The following PTPRD variants were observed in gnomAD, a reference collection of about 807,000 sequenced individuals.
PTPRD encodes the protein protein tyrosine phosphatase receptor type D.
A neutral mutation model predicts 214.5 loss-of-function variants in PTPRD; 34 were observed. That is an observed-to-expected ratio of 0.16 (90% CI 0.12 to 0.21). The LOEUF (loss-of-function observed/expected upper bound fraction) is 0.21. PTPRD is among the 10% of genes least tolerant of loss of function. The pLI, the probability that PTPRD is intolerant of heterozygous loss-of-function variation, is 1.00. For synonymous variants in PTPRD, 1,128 were observed against 845.7 expected, an observed-to-expected ratio of 1.33 and a Z score of -5.79; for missense variants, 2,545 against 2,398.7, an observed-to-expected ratio of 1.06 and a Z score of -1.27.
chr9:9,518,014 T>G (rs2096878157), intron 8 of PTPRD, among the ~76,000 whole-genome samples: 2 of 152,102 alleles, frequency 1.3e-5, no homozygotes, highest in South Asian at 4.1e-4. Context: ...CATTAATAAC[T>G]ATATTTCTCT....
intron 11 of PTPRD, among the ~76,000 whole-genome samples, chr9:8,925,292 T>C (rs747744523): frequency 9.9e-5 from 15 of 152,066 alleles, no homozygotes; most frequent in Non-Finnish European, 1.9e-4. Context: ...AGGGTGCTCT[T>C]ATAGGCAGGG....
At chr9:9,697,490 C>A (rs2097401226) in intron 7 of PTPRD, among the ~76,000 whole-genome samples, 1 of 152,088 alleles carries the variant, frequency 6.6e-6, no homozygotes, top group East Asian at 1.9e-4. Context: ...TAAATTTCAA[C>A]ATTTTTGCAT....
intron 9 of PTPRD, among the ~76,000 whole-genome samples, chr9:9,324,154 G>A (rs1342621229): frequency 6.6e-6 from 1 of 152,134 alleles, no homozygotes; most frequent in Non-Finnish European, 1.5e-5. Context: ...AAACATACGT[G>A]TGCATGTGTC....
chr9:8,633,293 G>C (rs751134389), intron 14 of PTPRD, 24 bp downstream of exon 14: 1 of 1,604,278 alleles, frequency 6.2e-7, no homozygotes, highest in Non-Finnish European at 8.5e-7. Flanking sequence ...TGACACAAAC[G>C]ACAACCTTCA....
At chr9:10,161,136 T>C (rs2099124952) in intron 3 of PTPRD, among the ~76,000 whole-genome samples, 1 of 151,904 alleles carries the variant, frequency 6.6e-6, no homozygotes, top group Non-Finnish European at 1.5e-5. Flanking sequence ...ATGACAATAC[T>C]ACTCAAAGCA....
At chr9:9,670,112 A>T (rs185216646) in intron 7 of PTPRD, among the ~76,000 whole-genome samples, 1 of 152,176 alleles carries the variant, frequency 6.6e-6, no homozygotes, top group Non-Finnish European at 1.5e-5. Context: ...TAAAATTAGC[A>T]ATTAGTAATT....
chr9:9,436,418 T>C (rs537392287), intron 8 of PTPRD, among the ~76,000 whole-genome samples: 2 of 152,286 alleles, frequency 1.3e-5, no homozygotes, highest in East Asian at 3.9e-4. Flanking sequence ...TTGAACCCTT[T>C]AATAAGGATT....
intron 7 of PTPRD, among the ~76,000 whole-genome samples, chr9:9,605,413 T>C (rs934406244): frequency 1.3e-5 from 2 of 152,032 alleles, no homozygotes; most frequent in African/African-American, 4.8e-5. Flanking sequence ...GGAAAAGTCA[T>C]GCAAAGAAGT....
chr9:8,604,313 A>C (rs190255057), intron 14 of PTPRD, among the ~76,000 whole-genome samples: 28 of 152,314 alleles, frequency 1.8e-4, no homozygotes, highest in African/African-American at 6.3e-4. Context: ...GGGAAGTAAT[A>C]TATGAGCTAG....
In PTPRD at chr9:9,191,621, G is replaced by C. The variant is rs533989800; in HGVS notation, c.-202-8258C>G. ...CAAACACATTTAACATTATGTCAGA[G>C]ATGCCTGATGATGACCATATCTGAA... On this transcript the variant is annotated intron_variant, in intron 9 of 45. Transcript: ENST00000381196. 2.0e-5 allele frequency among the ~76,000 whole-genome samples: 3 copies of C among 152,150 alleles called. No homozygotes were observed. In the South Asian group the frequency reaches 6.2e-4, roughly 32 times the overall value.
intron 10 of PTPRD, among the ~76,000 whole-genome samples, chr9:9,173,738 C>A (rs2099922904): frequency 6.6e-6 from 1 of 152,128 alleles, no homozygotes; most frequent in Non-Finnish European, 1.5e-5. Context: ...CCATGGTTGA[C>A]CATGGACCAT....
chr9:9,492,765 G>T (rs2095975273), intron 8 of PTPRD, among the ~76,000 whole-genome samples: 1 of 150,716 alleles, frequency 6.6e-6, no homozygotes. Flanking sequence ...CCTGAGTCAA[G>T]CAAGTCTATA....
At chr9:10,046,705 T>C (rs970440429) in intron 3 of PTPRD, among the ~76,000 whole-genome samples, 6 of 151,958 alleles carry the variant, frequency 3.9e-5, no homozygotes, top group African/African-American at 1.4e-4. Flanking sequence ...ATAAGATGGA[T>C]GATTGCACTC....
At chr9:10,153,764 T>C (rs945876824) in intron 3 of PTPRD, among the ~76,000 whole-genome samples, 5 of 152,116 alleles carry the variant, frequency 3.3e-5, no homozygotes, top group African/African-American at 1.2e-4. Flanking sequence ...CTCCCACTTA[T>C]AAATTAGAAC....
intron 2 of PTPRD, among the ~76,000 whole-genome samples, chr9:10,458,585 CATAAT>C (rs2098935072): frequency 6.6e-6 from 1 of 152,152 alleles, no homozygotes; most frequent in Non-Finnish European, 1.5e-5. Context: ...CAGCTAACAT[CATAAT>C]AAGTGGGGAG....
intron 5 of PTPRD, among the ~76,000 whole-genome samples, chr9:9,773,073 A>T (rs2098766414): frequency 6.6e-6 from 1 of 152,160 alleles, no homozygotes; most frequent in Non-Finnish European, 1.5e-5. Flanking sequence ...TTTCAAAGAT[A>T]ACTTACTGTC....
At chr9:9,227,015 CT>C (rs1569564759) in intron 9 of PTPRD, among the ~76,000 whole-genome samples, 2 of 151,960 alleles carry the variant, frequency 1.3e-5, no homozygotes, top group Non-Finnish European at 2.9e-5. Context: ...ATTTATATGG[CT>C]TTTTTTCTAA....
At chr9:9,032,926 A>G (rs187935582) in intron 10 of PTPRD, among the ~76,000 whole-genome samples, 87 of 152,128 alleles carry the variant, frequency 5.7e-4, no homozygotes, top group Middle Eastern at 3.4e-3. Flanking sequence ...CATGTGCACT[A>G]GGGAAACCTC....
At position 9,787,772 on chromosome 9, in the gene PTPRD, T is replaced by TTTATTA. The variant is rs373362978; in HGVS notation, c.-367-20927_-367-20922dup. ...CTGAACAACGTATATCAATTTTTTA[T>TTTATTA]TTATTATTATTATTATTATTATTAT... is the stretch of plus-strand genomic sequence containing the variant. On this transcript the variant is annotated intron_variant, in intron 5 of 45. Coordinates refer to ENST00000381196, the MANE Select transcript of PTPRD (RefSeq NM_002839.4). Among the ~76,000 whole-genome samples, 1,154 of 149,132 alleles carry TTTATTA rather than the reference T, an allele frequency of 7.7e-3. 16 individuals carry two copies. Among genetic ancestry groups the TTTATTA allele is most frequent in the African/African-American group, 0.025 (1,006 of 40,682 alleles).
Sources: gnomAD v4.1 joint callset for allele counts (sites outside exome capture counted in the v4.1 genomes callset) on GRCh38, gnomAD v4.1.1 for gene constraint, MANE v1.5 for transcripts, NCBI Gene and HGNC (gene_info 2026-07-23, HGNC 2026-07-21) for gene names.